PLCL2: variants seen among roughly 807,000 people sequenced by gnomAD.
PLCL2 encodes the protein phospholipase C like 2.
Under a neutral mutation model 79.6 loss-of-function variants are expected in PLCL2, and 4 were observed. The ratio of observed to expected loss-of-function variants is 0.05; its 90% CI spans 0.02 to 0.11. PLCL2 has a LOEUF of 0.11. Ranked by LOEUF, PLCL2 falls within the 10% of genes least tolerant of loss-of-function variation. PLCL2 has a pLI of 1.00. For missense variants in PLCL2, 895 were observed against 1,291.0 expected, an observed-to-expected ratio of 0.69 and a Z score of 4.70; for synonymous variants, 484 against 457.7, an observed-to-expected ratio of 1.06 and a Z score of -0.73.
chr3:16,955,003 T>C (rs1246027505), intron 1 of PLCL2, among the ~76,000 whole-genome samples: 2 of 152,238 alleles, frequency 1.3e-5, no homozygotes, highest in Non-Finnish European at 2.9e-5. Context: ...GGTAGTTTCT[T>C]TTGCTGTGCA....
At chr3:16,968,908 T>G (rs2063831357) in intron 1 of PLCL2, among the ~76,000 whole-genome samples, 1 of 152,164 alleles carries the variant, frequency 6.6e-6, no homozygotes, top group Non-Finnish European at 1.5e-5. Context: ...TGTTATTATT[T>G]TGAGGTATAT....
At chr3:16,991,674 T>C (rs1474789227) in intron 1 of PLCL2, among the ~76,000 whole-genome samples, 1 of 152,216 alleles carries the variant, frequency 6.6e-6, no homozygotes, top group Non-Finnish European at 1.5e-5. Flanking sequence ...GGTTTTCCCG[T>C]ATTCCTGGTT....
chr3:17,065,506 T>C (rs1461598959), intron 4 of PLCL2, among the ~76,000 whole-genome samples: 3 of 152,190 alleles, frequency 2.0e-5, no homozygotes, highest in Non-Finnish European at 4.4e-5. Context: ...TTATGTGAGT[T>C]GGAATTAAGC....
intron 4 of PLCL2, among the ~76,000 whole-genome samples, chr3:17,046,098 A>G (rs949495170): frequency 1.3e-5 from 2 of 152,174 alleles, no homozygotes; most frequent in Non-Finnish European, 2.9e-5. Context: ...GGGAGTGAGA[A>G]GTGATGTGGC....
chr3:16,908,438 G>T (rs553309992), intron 1 of PLCL2, among the ~76,000 whole-genome samples: 1 of 152,154 alleles, frequency 6.6e-6, no homozygotes, highest in African/African-American at 2.4e-5. Context: ...GATCCCATAC[G>T]TTTCAATGGT....
chr3:16,898,011 T>C (rs911769878), intron 1 of PLCL2, among the ~76,000 whole-genome samples: 4 of 152,150 alleles, frequency 2.6e-5, no homozygotes, highest in African/African-American at 9.7e-5. Flanking sequence ...TCTTCCACAT[T>C]GACAAGGATG....
rs1415088025 is a variant in PLCL2 at position 16,885,270 on chromosome 3, C to T, written c.231C>T (p.Arg77=). 6.0e-6 allele frequency: 4 copies of T among 664,574 alleles called. No individual in the cohort carries two copies. The highest frequency in any genetic ancestry group is 4.7e-5 in the South Asian group (3 of 64,212). 41.2% of individuals were successfully genotyped at this position (664,574 alleles called of 1,614,324 possible). The part of the protein sequence containing the change: ...EARASPTRGP[R]GVALAPTPSA... ...GGGCTAGCCCTACCAGGGGACCCCG[C>T]GGCGTTGCGCTCGCCCCGACCCCCA... The change falls in exon 1 of 6, where the codon CGC becomes CGT. Residue 77 remains arginine, a synonymous_variant. Coordinates refer to ENST00000615277, the MANE Select transcript of PLCL2 (RefSeq NM_001144382.2).
intron 5 of PLCL2, among the ~76,000 whole-genome samples, chr3:17,088,792 A>G (rs2065246026): frequency 1.3e-5 from 2 of 152,218 alleles, no homozygotes; most frequent in African/African-American, 4.8e-5. Flanking sequence ...TGTCAAGAGC[A>G]AAGAGGGTGA....
At chr3:17,016,301 TA>T (rs34886777) in intron 3 of PLCL2, among the ~76,000 whole-genome samples, 4 of 152,214 alleles carry the variant, frequency 2.6e-5, no homozygotes, top group Non-Finnish European at 4.4e-5. Flanking sequence ...TTCATTACCT[TA>T]AAAAAAGTGA....
At position 17,087,897 on chromosome 3, in the gene PLCL2, G is replaced by A. The variant is rs149835290; in HGVS notation, c.3205-1836G>A. 1.6e-3 allele frequency among the ~76,000 whole-genome samples: 239 copies of A among 152,244 alleles called. 4 individuals carry two copies. The East Asian group carries it at 0.043, about 27-fold the overall frequency. Reference sequence around the variant, plus strand: ...TCTATTAAAACTGTGAATGTGTGTAGCAATTCTGCTTGTGAAGGGAAATAC... The same window carrying A: ...TCTATTAAAACTGTGAATGTGTGTAACAATTCTGCTTGTGAAGGGAAATAC... On this transcript the variant is annotated intron_variant, in intron 5 of 5. Coordinates refer to ENST00000615277, the MANE Select transcript of PLCL2 (RefSeq NM_001144382.2).
At chr3:17,036,147 A>G (rs2064651460) in intron 3 of PLCL2, among the ~76,000 whole-genome samples, 1 of 152,046 alleles carries the variant, frequency 6.6e-6, no homozygotes, top group Non-Finnish European at 1.5e-5. Context: ...CGGCCCCTGG[A>G]TAGGCACCAG....
At chr3:16,991,629 C>G (rs750516915) in intron 1 of PLCL2, among the ~76,000 whole-genome samples, 1 of 152,132 alleles carries the variant, frequency 6.6e-6, no homozygotes, top group Non-Finnish European at 1.5e-5. Flanking sequence ...GATGAGACTG[C>G]CCCTGGAGAA....
At chr3:17,043,969 C>T (rs2064755415) in intron 4 of PLCL2, 1 of 152,296 alleles carries the variant, frequency 6.6e-6, no homozygotes, top group Non-Finnish European at 1.5e-5. Flanking sequence ...TTATCTACAA[C>T]ACAATCTACA....
chr3:17,050,951 T>G (rs1311158928), intron 4 of PLCL2, among the ~76,000 whole-genome samples: 2 of 152,132 alleles, frequency 1.3e-5, no homozygotes, highest in Non-Finnish European at 2.9e-5. Context: ...CACAATGGAG[T>G]GCTATTCAGC....
intron 5 of PLCL2, among the ~76,000 whole-genome samples, chr3:17,080,132 A>G (rs1265935373): frequency 6.6e-6 from 1 of 152,186 alleles, no homozygotes; most frequent in East Asian, 1.9e-4. Context: ...TGCCCATCAA[A>G]CGTGTGAGTG....
At chr3:17,035,214 A>G (rs538382649) in intron 3 of PLCL2, among the ~76,000 whole-genome samples, 7 of 152,312 alleles carry the variant, frequency 4.6e-5, no homozygotes, top group Admixed American at 2.6e-4. Context: ...CACCAGTTCA[A>G]TTCAACTAAG....
At chr3:17,085,159 G>C (rs1187628402) in intron 5 of PLCL2, among the ~76,000 whole-genome samples, 5 of 151,920 alleles carry the variant, frequency 3.3e-5, no homozygotes, top group Non-Finnish European at 7.4e-5. Flanking sequence ...TTTTGAGACA[G>C]GGTCTCACTC....
chr3:16,980,347 C>G (rs1037909970), intron 1 of PLCL2, among the ~76,000 whole-genome samples: 10 of 149,968 alleles, frequency 6.7e-5, no homozygotes, highest in African/African-American at 2.2e-4. Flanking sequence ...GACGGGGTGG[C>G]TGCTGGGCGG....
At chr3:17,083,770 A>G (rs1173713426) in intron 5 of PLCL2, among the ~76,000 whole-genome samples, 1 of 152,158 alleles carries the variant, frequency 6.6e-6, no homozygotes, top group Non-Finnish European at 1.5e-5. Context: ...ATGAATAATG[A>G]CACCAGGGTC....
Sources: gnomAD v4.1 joint callset for allele counts (sites outside exome capture counted in the v4.1 genomes callset) on GRCh38, gnomAD v4.1.1 for gene constraint, MANE v1.5 for transcripts, NCBI Gene and HGNC (gene_info 2026-07-23, HGNC 2026-07-21) for gene names.